The following ARSF variants were observed in gnomAD, a reference collection of about 807,000 sequenced individuals.
ARSF encodes arylsulfatase F.
A neutral mutation model predicts 35.4 loss-of-function variants in ARSF; 33 were observed. That is an observed-to-expected ratio of 0.93 (90% CI 0.71 to 1.25). ARSF has a LOEUF of 1.25. Ranked by LOEUF, ARSF falls within the 50% of genes most tolerant of loss-of-function variation. The pLI is 0.00. For synonymous variants in ARSF, 222 were observed against 193.1 expected (o/e 1.15, Z -1.24); for missense variants, 501 against 480.2 (o/e 1.04, Z -0.40).
At chrX:3,066,728 C>G (rs1162797344) in intron 1 of ARSF, 2 of 110,878 alleles carry the variant, frequency 1.8e-5, no homozygotes, top group Non-Finnish European at 3.8e-5. Flanking sequence ...CTAGCAGGGA[C>G]CAGCCCTCCC....
chrX:3,073,530 A>G (rs1435442204), intron 3 of ARSF, among the ~76,000 whole-genome samples: 1 of 96,474 alleles, frequency 1.0e-5, no homozygotes, highest in East Asian at 2.9e-4. Context: ...TATACTATAT[A>G]TTAATAAATA....
At chrX:3,055,199 G>A (rs746519012) in intron 1 of ARSF, among the ~76,000 whole-genome samples, 2 of 107,031 alleles carry the variant, frequency 1.9e-5, no homozygotes, top group East Asian at 3.1e-4. Flanking sequence ...ATAATTAGCC[G>A]AGCATGGTGG....
intron 2 of ARSF, among the ~76,000 whole-genome samples, chrX:3,068,461 C>T (rs1409497212): frequency 9.0e-6 from 1 of 111,395 alleles, no homozygotes; most frequent in Non-Finnish European, 1.9e-5. Context: ...GCTCTGTCAC[C>T]CAGGGTAGAC....
At chrX:3,069,595 A>G (rs2147492046) in intron 2 of ARSF, among the ~76,000 whole-genome samples, 1 of 111,662 alleles carries the variant, frequency 9.0e-6, no homozygotes, top group Non-Finnish European at 1.9e-5. Context: ...TACAGGTGTG[A>G]GCCACTGCAA....
rs779508346 is a variant in ARSF, at chrX:3,078,646, C to T, written c.283+1977C>T. On this transcript the variant is annotated intron_variant, in intron 4 of 10. Coordinates refer to ENST00000381127, the MANE Select transcript of ARSF (RefSeq NM_001201539.2). ...TCCTGAGTAGCTGAGATTACAGGTA[C>T]CCGCCACCATGCCCAGCTAATTTTT... 2.7e-5 allele frequency among the ~76,000 whole-genome samples: 3 copies of T among 110,654 alleles called. No individual in the cohort carries two copies. In the South Asian group the frequency reaches 1.2e-3, roughly 43 times the overall value.
chrX:3,047,247 C>A (rs1375792601), intron 1 of ARSF, among the ~76,000 whole-genome samples: 1 of 109,900 alleles, frequency 9.1e-6, no homozygotes, highest in Non-Finnish European at 1.9e-5. Flanking sequence ...GGCATGATCT[C>A]AGCTCATCGC....
At chrX:3,053,074 C>T (rs1334264471) in intron 1 of ARSF, among the ~76,000 whole-genome samples, 1 of 111,180 alleles carries the variant, frequency 9.0e-6, no homozygotes, top group Non-Finnish European at 1.9e-5. Flanking sequence ...TTCCTGGGAA[C>T]CATGCCCAGG....
At chrX:3,054,738 CTT>C (rs767658220) in intron 1 of ARSF, among the ~76,000 whole-genome samples, 10 of 99,245 alleles carry the variant, frequency 1.0e-4, no homozygotes, top group South Asian at 4.7e-4. Context: ...AAACTGCTCT[CTT>C]TTTTTTTTTT....
At chrX:3,071,381 G>C (rs1283096701) in intron 2 of ARSF, among the ~76,000 whole-genome samples, 1 of 110,668 alleles carries the variant, frequency 9.0e-6, no homozygotes, top group Non-Finnish European at 1.9e-5. Flanking sequence ...TTGGCTCACT[G>C]CAACCTCCGC....
intron 1 of ARSF, among the ~76,000 whole-genome samples, chrX:3,044,015 G>A (rs755398995): frequency 9.0e-6 from 1 of 111,340 alleles, no homozygotes; most frequent in African/African-American, 3.3e-5. Context: ...TCTCAGTCCT[G>A]AGCTCAAGCG....
At chrX:3,047,919 C>T (rs1252623453) in intron 1 of ARSF, among the ~76,000 whole-genome samples, 1 of 110,896 alleles carries the variant, frequency 9.0e-6, no homozygotes, top group Non-Finnish European at 1.9e-5. Context: ...GGAAGCCTCA[C>T]GATCATGGTG....
intron 10 of ARSF, among the ~76,000 whole-genome samples, chrX:3,110,718 A>G (rs1376251148): frequency 3.6e-5 from 4 of 111,124 alleles, no homozygotes; most frequent in African/African-American, 9.8e-5. Context: ...CAAACATGGC[A>G]AAGCCCTGTC....
chrX:3,107,996 G>A (rs2146836234), intron 9 of ARSF, among the ~76,000 whole-genome samples: 1 of 111,735 alleles, frequency 8.9e-6, no homozygotes, highest in South Asian at 3.7e-4. Flanking sequence ...TTTTTAATGT[G>A]GCTTGAGGTA....
At position 3,080,941 on chromosome X, in the gene ARSF, G is replaced by T. The variant is rs779174946; in HGVS notation, c.334G>T (p.Ala112Ser). 2 of 1,209,526 alleles carry T rather than the reference G, an allele frequency of 1.7e-6. No homozygotes were observed. The highest frequency in any genetic ancestry group is 2.2e-6 in the Non-Finnish European group (2 of 894,941). ...TGTCATCCAAAATCTTGCAGTCCCC[G>T]CAGGCCTCCCTCTTAATGAGACAAC... Reference protein sequence around the residue: ...RRVIQNLAVPAGLPLNETTLA... With the variant: ...RRVIQNLAVPSGLPLNETTLA... The change falls in exon 5 of 11, where the codon GCA (alanine) becomes TCA (serine). Residue 112 changes from alanine to serine, a missense_variant. Ala to Ser is a moderately conservative substitution (Grantham distance 99). Transcript: ENST00000381127.
intron 1 of ARSF, among the ~76,000 whole-genome samples, chrX:3,065,627 A>T (rs2090061865): frequency 1.0e-5 from 1 of 99,051 alleles, no homozygotes; most frequent in African/African-American, 3.9e-5. Context: ...ACAGAGTGAG[A>T]CTCTGTCTCA....
At chrX:3,081,065 T>C in intron 5 of ARSF, 52 bp downstream of exon 5, 16 of 1,181,665 alleles carry the variant, frequency 1.4e-5, no homozygotes, top group African/African-American at 1.8e-5. Flanking sequence ...ATCATGTCCT[T>C]TGTTCTACCC....
At position 3,109,554 on chromosome X, in the gene ARSF, G is replaced by A. The variant is rs139867138; in HGVS notation, c.1266-574G>A. 7.7e-3 allele frequency among the ~76,000 whole-genome samples: 847 copies of A among 110,455 alleles called. 9 individuals are homozygous for A. The highest frequency in any genetic ancestry group is 0.025 in the African/African-American group (764 of 30,466). On this transcript the variant is annotated intron_variant, in intron 9 of 10. Coordinates refer to ENST00000381127, the MANE Select transcript of ARSF (RefSeq NM_001201539.2). The stretch of plus-strand genomic sequence containing the variant: ...TCATCACCCAAGCAGTGAACATAGC[G>A]CCCAACGGGTAGTTTTTCAACCCTT...
At chrX:3,068,024 T>TC in intron 1 of ARSF, 49 bp from the exon 2 acceptor site, 1 of 855,752 alleles carries the variant, frequency 1.2e-6, no homozygotes, top group Non-Finnish European at 1.6e-6. Flanking sequence ...ATGATACTTT[T>TC]TTTTTTTTTT....
chrX:3,065,613 G>A lies in ARSF; in HGVS notation c.-28-2460G>A, dbSNP rs750274754. 2.5e-3 allele frequency among the ~76,000 whole-genome samples: 262 copies of A among 103,454 alleles called. 1 individual carries two copies. Among genetic ancestry groups the A allele is most frequent in the African/African-American group, 9.0e-3 (249 of 27,627 alleles). 89.8% of individuals were successfully genotyped at this position (103,454 alleles called of 115,157 possible). A position where few individuals can be genotyped will look rare whatever the true frequency, so the allele number is the denominator to read the frequency against. On this transcript the variant is annotated intron_variant, in intron 1 of 10. Transcript: ENST00000381127. The stretch of plus-strand genomic sequence containing the variant: ...AATTGTGCTGCTGCACTCCAGCTTC[G>A]GCAACAGAGTGAGACTCTGTCTCAA...
Sources: gnomAD v4.1 joint callset for allele counts (sites outside exome capture counted in the v4.1 genomes callset) on GRCh38, gnomAD v4.1.1 for gene constraint, MANE v1.5 for transcripts, NCBI Gene and HGNC (gene_info 2026-07-23, HGNC 2026-07-21) for gene names.